KLF12: variants seen among roughly 807,000 people sequenced by gnomAD.
KLF12 encodes the protein KLF transcription factor 12, also known as Krueppel-like factor 12.
KLF12 carries 9 observed loss-of-function variants against 37.8 expected under a neutral mutation model. That is an observed-to-expected ratio of 0.24 (90% CI 0.14 to 0.42). The LOEUF (loss-of-function observed/expected upper bound fraction) is 0.42. Ranked by LOEUF, KLF12 falls within the 10% of genes least tolerant of loss-of-function variation. The pLI, the probability that KLF12 is intolerant of heterozygous loss-of-function variation, is 1.00. For synonymous variants in KLF12, 208 were observed against 202.1 expected, an observed-to-expected ratio of 1.03 and a Z score of -0.25; for missense variants, 411 against 516.0, an observed-to-expected ratio of 0.80 and a Z score of 1.97.
intron 2 of KLF12, among the ~76,000 whole-genome samples, chr13:73,951,668 C>T (rs902360732): frequency 1.1e-4 from 17 of 152,188 alleles, no homozygotes; most frequent in African/African-American, 3.9e-4. Flanking sequence ...GAGCTCTAAG[C>T]TCATTCTAAA....
intron 1 of KLF12, among the ~76,000 whole-genome samples, chr13:74,036,468 G>GATCCCCACACAGTGCACGCAC (rs1893247870): frequency 6.6e-6 from 1 of 152,120 alleles, no homozygotes; most frequent in Non-Finnish European, 1.5e-5. Flanking sequence ...CAGGCTCCCA[G>GATCCCCACACAGTGCACGCAC]ATCCCCACAC....
chr13:73,950,295 A>G (rs1320950453), intron 2 of KLF12, among the ~76,000 whole-genome samples: 1 of 152,208 alleles, frequency 6.6e-6, no homozygotes, highest in Admixed American at 6.5e-5. Flanking sequence ...CAACCAATCC[A>G]ATCCAAACTG....
At chr13:73,909,801 C>T (rs1259560018) in intron 3 of KLF12, among the ~76,000 whole-genome samples, 1 of 152,302 alleles carries the variant, frequency 6.6e-6, no homozygotes, top group East Asian at 1.9e-4. Flanking sequence ...TCAGTCCACA[C>T]TTTTCCATTT....
intron 3 of KLF12, among the ~76,000 whole-genome samples, chr13:73,928,223 C>T (rs368296145): frequency 7.2e-5 from 11 of 152,128 alleles, no homozygotes; most frequent in African/African-American, 1.9e-4. Flanking sequence ...TACTGAAAAC[C>T]GTAAACTATA....
chr13:74,163,609 G>A, the KLF12 span, among the ~76,000 whole-genome samples: 1 of 151,984 alleles, frequency 6.6e-6, no homozygotes, highest in African/African-American at 2.4e-5. Flanking sequence ...AGGTGGGGAT[G>A]GTTAATGGGT....
At chr13:74,123,789 T>C (rs1039353348) in intron 1 of KLF12, among the ~76,000 whole-genome samples, 7 of 152,350 alleles carry the variant, frequency 4.6e-5, no homozygotes, top group Middle Eastern at 3.4e-3. Flanking sequence ...CGAGACTAAA[T>C]GAAAGTCAGA....
intron 6 of KLF12, among the ~76,000 whole-genome samples, chr13:73,716,647 A>G (rs1183113468): frequency 6.6e-6 from 1 of 152,138 alleles, no homozygotes; most frequent in Non-Finnish European, 1.5e-5. Context: ...ATGTCTACCT[A>G]TACAAATCTG....
chr13:73,757,802 A>T (rs750208232), intron 6 of KLF12, among the ~76,000 whole-genome samples: 2 of 152,146 alleles, frequency 1.3e-5, no homozygotes, highest in South Asian at 2.1e-4. Flanking sequence ...TTGATAGCCA[A>T]TTTTTTCAGC....
chr13:74,136,661 C>T (rs1052074536), upstream of KLF12, among the ~76,000 whole-genome samples: 1 of 151,920 alleles, frequency 6.6e-6, no homozygotes, highest in African/African-American at 2.4e-5. Flanking sequence ...GCATAAGCCA[C>T]GGGCTTGTTA....
At chr13:74,141,517 A>G in the KLF12 span, among the ~76,000 whole-genome samples, 3 of 152,234 alleles carry the variant, frequency 2.0e-5, no homozygotes, top group Non-Finnish European at 2.9e-5. Context: ...ATGCCAGTTA[A>G]AGATACATAT....
At chr13:73,948,431 C>T (rs892651677) in intron 2 of KLF12, among the ~76,000 whole-genome samples, 3 of 152,124 alleles carry the variant, frequency 2.0e-5, no homozygotes, top group Non-Finnish European at 4.4e-5. Context: ...GTTGGCTAGC[C>T]TGTTCTCGAA....
chr13:74,178,895 T>C, the KLF12 span, among the ~76,000 whole-genome samples: 2 of 152,230 alleles, frequency 1.3e-5, no homozygotes, highest in African/African-American at 4.8e-5. Flanking sequence ...CCCCCAGTTT[T>C]ACTAACAATT....
At chr13:74,100,868 T>C (rs1355968353) in intron 1 of KLF12, among the ~76,000 whole-genome samples, 1 of 152,132 alleles carries the variant, frequency 6.6e-6, no homozygotes, top group Admixed American at 6.5e-5. Context: ...TCCCTTGTTT[T>C]TCAACCTAGC....
At chr13:74,292,991 A>G in the KLF12 span, among the ~76,000 whole-genome samples, 1 of 152,180 alleles carries the variant, frequency 6.6e-6, no homozygotes, top group African/African-American at 2.4e-5. Context: ...CAGCAATAGG[A>G]ACTCTTAAGT....
chr13:74,283,993 G>A, the KLF12 span, among the ~76,000 whole-genome samples: 1 of 151,766 alleles, frequency 6.6e-6, no homozygotes, highest in African/African-American at 2.4e-5. Context: ...CCGTAGCTGG[G>A]ATTACAGGCA....
Position 73,692,129 on chromosome 13 carries a change from T to C in KLF12, c.*3361A>G, listed in dbSNP as rs1873860047. On this transcript the variant is annotated 3_prime_UTR_variant, in exon 8 of 8. Coordinates refer to ENST00000377669, the MANE Select transcript of KLF12 (RefSeq NM_007249.5). ...CGACGCCAGGCAGAAGTATAATCTT[T>C]ATGGTGAAGTCATTAGAAATCTCAG... 1 of 152,386 alleles carries C rather than the reference T, an allele frequency of 6.6e-6. No homozygotes were observed. Among genetic ancestry groups the C allele is most frequent in the African/African-American group, 2.4e-5 (1 of 41,460 alleles). The allele number at this position is 152,386 out of a possible 1,614,324, so 9.4% of individuals were successfully genotyped here.
chr13:74,261,119 G>A, the KLF12 span, among the ~76,000 whole-genome samples: 7 of 152,026 alleles, frequency 4.6e-5, no homozygotes, highest in South Asian at 2.1e-4. Flanking sequence ...GCTGTTCTCC[G>A]AAAAGTATTG....
chr13:73,903,956 G>A (rs1888152661), intron 3 of KLF12, among the ~76,000 whole-genome samples: 2 of 152,138 alleles, frequency 1.3e-5, no homozygotes, highest in Non-Finnish European at 2.9e-5. Context: ...TCCATTCTCG[G>A]AAAAATTTCT....
intron 3 of KLF12, among the ~76,000 whole-genome samples, chr13:73,917,102 C>T (rs1047506638): frequency 6.6e-6 from 1 of 152,204 alleles, no homozygotes. Flanking sequence ...CAAAAATTCA[C>T]TATCCAAGGT....
Sources: gnomAD v4.1 joint callset for allele counts (sites outside exome capture counted in the v4.1 genomes callset) on GRCh38, gnomAD v4.1.1 for gene constraint, MANE v1.5 for transcripts, NCBI Gene and HGNC (gene_info 2026-07-23, HGNC 2026-07-21) for gene names.